The following HRH1 variants were observed in gnomAD, a reference collection of about 807,000 sequenced individuals.
HRH1 encodes the protein histamine receptor H1, also known as histamine H1 receptor.
In HRH1, 6 loss-of-function variants were observed where a neutral mutation model predicts 10.3. That is an observed-to-expected ratio of 0.58 (90% CI 0.32 to 1.15). The LOEUF (loss-of-function observed/expected upper bound fraction) is 1.15. Ranked by LOEUF, HRH1 falls within the 50% of genes most tolerant of loss-of-function variation. The pLI is 0.05. For missense variants in HRH1, 514 were observed against 615.3 expected (o/e 0.84, Z 1.74); for synonymous variants, 242 against 236.7 (o/e 1.02, Z -0.21).
At chr3:11,209,756 G>T (rs1317976962) in intron 1 of HRH1, among the ~76,000 whole-genome samples, 2 of 152,348 alleles carry the variant, frequency 1.3e-5, no homozygotes, top group South Asian at 2.1e-4. Context: ...GAGGACTGAT[G>T]ACTTATGGCT....
intron 1 of HRH1, among the ~76,000 whole-genome samples, chr3:11,241,582 C>A (rs1939337734): frequency 6.6e-6 from 1 of 151,966 alleles, no homozygotes; most frequent in Admixed American, 6.6e-5. Context: ...GCCTGTAATC[C>A]CAGCACTTTG....
At chr3:11,254,705 C>G (rs968948141) in intron 1 of HRH1, among the ~76,000 whole-genome samples, 7 of 152,202 alleles carry the variant, frequency 4.6e-5, no homozygotes, top group Non-Finnish European at 1.0e-4. Flanking sequence ...GAATGGGAAT[C>G]CCAGATGAAC....
intron 1 of HRH1, among the ~76,000 whole-genome samples, chr3:11,240,966 A>G (rs1939320604): frequency 1.3e-5 from 2 of 152,254 alleles, no homozygotes; most frequent in African/African-American, 2.4e-5. Flanking sequence ...GAATGAATCA[A>G]GAAAGGAATC....
intron 1 of HRH1, 123 bp from the exon 2 acceptor site, chr3:11,258,880 T>C: frequency 1.6e-6 from 1 of 625,598 alleles, no homozygotes; most frequent in Non-Finnish European, 2.7e-6. Flanking sequence ...GGCTATTGAG[T>C]AGGTAACCAG....
At chr3:11,210,728 G>T (rs1938300083) in intron 1 of HRH1, among the ~76,000 whole-genome samples, 1 of 151,888 alleles carries the variant, frequency 6.6e-6, no homozygotes, top group Admixed American at 6.6e-5. Context: ...GGGAGGCAGA[G>T]GTTGCAGTGA....
At chr3:11,243,733 C>A (rs1939407941) in intron 1 of HRH1, among the ~76,000 whole-genome samples, 2 of 152,164 alleles carry the variant, frequency 1.3e-5, no homozygotes, top group Admixed American at 1.3e-4. Flanking sequence ...AGAAATTCCA[C>A]CCATCCTTCA....
chr3:11,223,860 C>A (rs1384955030), intron 1 of HRH1, among the ~76,000 whole-genome samples: 1 of 152,210 alleles, frequency 6.6e-6, no homozygotes, highest in East Asian at 1.9e-4. Context: ...CAAATATTTT[C>A]TACTGTGCCA....
chr3:11,187,693 T>A (rs1257088373), intron 1 of HRH1, among the ~76,000 whole-genome samples: 1 of 152,240 alleles, frequency 6.6e-6, no homozygotes, highest in Admixed American at 6.5e-5. Context: ...GATACTCCTG[T>A]CTTCAGGAAG....
chr3:11,215,108 C>G (rs191326207), intron 1 of HRH1, among the ~76,000 whole-genome samples: 16 of 152,356 alleles, frequency 1.1e-4, no homozygotes, highest in South Asian at 4.1e-4. Flanking sequence ...AATTGGCACT[C>G]TAGGTGATAA....
chr3:11,188,319 A>G (rs1278978146), intron 1 of HRH1, among the ~76,000 whole-genome samples: 1 of 152,230 alleles, frequency 6.6e-6, no homozygotes, highest in African/African-American at 2.4e-5. Flanking sequence ...ATAAAGAATC[A>G]GGCCAGGTGA....
At chr3:11,179,890 C>T (rs1398329037) in intron 1 of HRH1, among the ~76,000 whole-genome samples, 2 of 151,808 alleles carry the variant, frequency 1.3e-5, no homozygotes, top group Non-Finnish European at 2.9e-5. Context: ...CCCACTTCAG[C>T]CTCCTCAGTA....
chr3:11,195,370 C>T (rs1288535649), intron 1 of HRH1, among the ~76,000 whole-genome samples: 1 of 152,202 alleles, frequency 6.6e-6, no homozygotes, highest in Non-Finnish European at 1.5e-5. Flanking sequence ...GTGCCTGGGG[C>T]TAGGTGGACA....
At chr3:11,248,230 C>A (rs934156978) in intron 1 of HRH1, among the ~76,000 whole-genome samples, 2 of 152,126 alleles carry the variant, frequency 1.3e-5, no homozygotes, top group African/African-American at 4.8e-5. Flanking sequence ...TCAACTGTTC[C>A]TTTAATTGCA....
intron 1 of HRH1, among the ~76,000 whole-genome samples, chr3:11,213,795 C>T (rs1233988678): frequency 3.9e-5 from 6 of 152,244 alleles, no homozygotes; most frequent in Non-Finnish European, 7.3e-5. Context: ...AAGTCCTTTG[C>T]ATGGTGACTG....
Position 11,260,777 on chromosome 3 carries a change from A to T in HRH1, c.*276A>T, listed in dbSNP as rs201236680. On this transcript the variant is annotated 3_prime_UTR_variant, in exon 2 of 2. Coordinates refer to ENST00000431010, the MANE Select transcript of HRH1 (RefSeq NM_001098212.2). ...TGGGTTCAAAAAGAAAAAAATAATA[A>T]AAATAAAAGAGAGAGAGAATCAGAC... 2.5e-6 allele frequency: 1 copy of T among 393,866 alleles called. No individual in the cohort carries two copies. Among genetic ancestry groups the T allele is most frequent in the African/African-American group, 2.1e-5 (1 of 48,318 alleles). 24.4% of individuals were successfully genotyped at this position (393,866 alleles called of 1,614,324 possible).
chr3:11,231,306 T>C lies in HRH1; in HGVS notation c.-35-27697T>C, dbSNP rs1212363598. Reference sequence around the variant, plus strand: ...AACTGCTATAAGCATTCATGTTCAGTTTTTTTTTCTGGGCAAATAAGTTTT... The same window carrying C: ...AACTGCTATAAGCATTCATGTTCAGCTTTTTTTTCTGGGCAAATAAGTTTT... On this transcript the variant is annotated intron_variant, in intron 1 of 1. Coordinates refer to ENST00000431010, the MANE Select transcript of HRH1 (RefSeq NM_001098212.2). Among the ~76,000 whole-genome samples the C allele has an allele frequency of 2.0e-5, 3 of 151,602 alleles. No homozygotes were observed. The South Asian group carries it at 6.2e-4, about 32-fold the overall frequency.
chr3:11,163,460 A>G (rs1489441259), intron 1 of HRH1, among the ~76,000 whole-genome samples: 2 of 152,202 alleles, frequency 1.3e-5, no homozygotes, highest in Admixed American at 1.3e-4. Context: ...ACAGTGGTCA[A>G]AACATGGGCT....
rs746775307 is a variant in HRH1 at position 11,138,180 on chromosome 3, A to ATTTTTTTTTTTTTTTTTTTTTTTT, written c.-36+796_-36+797insTTTTTTTTTTTTTTTTTTTTTTTT. ...ACAGGCGCCCGCACCACGTTTGGCTATTTTTTTTTTTTTTTGTATTTTTAG... is the reference window on the plus strand; with the variant it reads ...ACAGGCGCCCGCACCACGTTTGGCTATTTTTTTTTTTTTTTTTTTTTTTTTTTTTTTTTTTTTTTGTATTTTTAG... On this transcript the variant is annotated intron_variant, in intron 1 of 1. Transcript: ENST00000438284. 1.5e-5 allele frequency among the ~76,000 whole-genome samples: 2 copies of ATTTTTTTTTTTTTTTTTTTTTTTT among 135,580 alleles called. 1 individual carries two copies. The highest frequency in any genetic ancestry group is 3.1e-5 in the Non-Finnish European group (2 of 64,148). 88.9% of individuals were successfully genotyped at this position (135,580 alleles called of 152,430 possible). A position where few individuals can be genotyped will look rare whatever the true frequency, so the allele number is the denominator to read the frequency against.
chr3:11,254,256 C>T (rs914216067), intron 1 of HRH1, among the ~76,000 whole-genome samples: 1 of 152,188 alleles, frequency 6.6e-6, no homozygotes, highest in African/African-American at 2.4e-5. Flanking sequence ...AGATTTTTCA[C>T]ACTCTTCAGC....
Sources: gnomAD v4.1 joint callset for allele counts (sites outside exome capture counted in the v4.1 genomes callset) on GRCh38, gnomAD v4.1.1 for gene constraint, MANE v1.5 for transcripts, NCBI Gene and HGNC (gene_info 2026-07-23, HGNC 2026-07-21) for gene names.